The following ITFG1 variants were observed in gnomAD, a reference collection of about 807,000 sequenced individuals.
ITFG1 encodes integrin alpha FG-GAP repeat containing 1.
In ITFG1, 34 loss-of-function variants were observed where a neutral mutation model predicts 81.8. The ratio of observed to expected loss-of-function variants is 0.42; its 90% CI spans 0.32 to 0.55. ITFG1 has a LOEUF of 0.55. Among genes scored for constraint, ITFG1 ranks in the 20% least tolerant of loss-of-function variants. The pLI is 0.17. For synonymous variants in ITFG1, 285 were observed against 270.6 expected (o/e 1.05, Z -0.52); for missense variants, 672 against 755.4 (o/e 0.89, Z 1.29).
chr16:47,391,577 G>T (rs886560840), intron 6 of ITFG1, among the ~76,000 whole-genome samples: 2 of 152,114 alleles, frequency 1.3e-5, no homozygotes, highest in African/African-American at 4.8e-5. Context: ...ATATTTTGCA[G>T]CATATATAGT....
intron 13 of ITFG1, among the ~76,000 whole-genome samples, chr16:47,222,080 A>G (rs1212568445): frequency 1.3e-5 from 2 of 151,156 alleles, no homozygotes; most frequent in Non-Finnish European, 2.9e-5. Flanking sequence ...TTGTGTCTCT[A>G]TTTCCTTCAG....
intron 6 of ITFG1, among the ~76,000 whole-genome samples, chr16:47,389,359 T>C (rs949266312): frequency 1.3e-5 from 2 of 152,186 alleles, no homozygotes; most frequent in African/African-American, 4.8e-5. Context: ...ATGTATATAA[T>C]TGTATCACTA....
At chr16:47,366,456 C>T (rs1968178636) in intron 7 of ITFG1, among the ~76,000 whole-genome samples, 1 of 152,200 alleles carries the variant, frequency 6.6e-6, no homozygotes. Flanking sequence ...CATGTGCTGA[C>T]TGAGAAGCAG....
chr16:47,316,104 A>G (rs1052522462), intron 8 of ITFG1, among the ~76,000 whole-genome samples: 28 of 152,200 alleles, frequency 1.8e-4, no homozygotes, highest in African/African-American at 6.8e-4. Flanking sequence ...TTTTTAAAAA[A>G]TATTTAGGTG....
intron 10 of ITFG1, among the ~76,000 whole-genome samples, chr16:47,265,017 C>T (rs1348089485): frequency 6.6e-6 from 1 of 152,062 alleles, no homozygotes. Flanking sequence ...TACCTTCAAA[C>T]AGCTGTTCTA....
At chr16:47,222,995 T>C (rs1370928509) in intron 13 of ITFG1, among the ~76,000 whole-genome samples, 1 of 151,960 alleles carries the variant, frequency 6.6e-6, no homozygotes. Context: ...AAGGATTCCC[T>C]ATTTAATAAA....
intron 14 of ITFG1, among the ~76,000 whole-genome samples, chr16:47,197,605 C>G (rs1277346886): frequency 6.6e-6 from 1 of 152,262 alleles, no homozygotes; most frequent in Non-Finnish European, 1.5e-5. Context: ...GGGCCATGGT[C>G]ACTCAAATTG....
intron 9 of ITFG1, chr16:47,312,667 T>A (rs1967285636): frequency 1.3e-5 from 2 of 152,344 alleles, no homozygotes; most frequent in South Asian, 4.1e-4. Flanking sequence ...AATGCCACGT[T>A]ATCACAAATT....
chr16:47,162,968 C>T (rs567570688), intron 14 of ITFG1, among the ~76,000 whole-genome samples: 7 of 152,130 alleles, frequency 4.6e-5, no homozygotes, highest in East Asian at 3.9e-4. Flanking sequence ...CCACCAGGCT[C>T]GGCTAATTTT....
chr16:47,160,580 G>T (rs1427764461), intron 16 of ITFG1, among the ~76,000 whole-genome samples: 1 of 151,840 alleles, frequency 6.6e-6, no homozygotes, highest in Non-Finnish European at 1.5e-5. Flanking sequence ...TACAATACAG[G>T]CTCATTAAAA....
Position 47,282,162 on chromosome 16 carries a change from C to T in ITFG1, c.1071-21467G>A, listed in dbSNP as rs372483296. 1.8e-4 allele frequency among the ~76,000 whole-genome samples: 28 copies of T among 151,734 alleles called. No individual in the cohort carries two copies. In the East Asian group the frequency reaches 4.7e-3, roughly 26 times the overall value. Reference sequence around the variant, plus strand: ...TATATATTGTACCCATGAGGCTGAGCGGGTATGAGGGATGAGAAATTACTA... The same window carrying T: ...TATATATTGTACCCATGAGGCTGAGTGGGTATGAGGGATGAGAAATTACTA... On this transcript the variant is annotated intron_variant, in intron 10 of 17. Transcript: ENST00000320640.
intron 14 of ITFG1, among the ~76,000 whole-genome samples, chr16:47,174,328 AC>A (rs1445801063): frequency 6.6e-6 from 1 of 152,196 alleles, no homozygotes; most frequent in Non-Finnish European, 1.5e-5. Flanking sequence ...TCTAGCTCTG[AC>A]ATCTATTTGT....
At chr16:47,384,262 T>C (rs1364898559) in intron 6 of ITFG1, among the ~76,000 whole-genome samples, 2 of 152,232 alleles carry the variant, frequency 1.3e-5, no homozygotes, top group Non-Finnish European at 2.9e-5. Context: ...CAGCTAAGGT[T>C]AGCAGTTTAT....
At chr16:47,350,099 A>T (rs1455906228) in intron 8 of ITFG1, among the ~76,000 whole-genome samples, 1 of 152,268 alleles carries the variant, frequency 6.6e-6, no homozygotes, top group African/African-American at 2.4e-5. Context: ...CTAAATGCCC[A>T]CAAGAGAAAG....
chr16:47,203,616 A>G (rs1320349762), intron 14 of ITFG1, among the ~76,000 whole-genome samples: 1 of 152,206 alleles, frequency 6.6e-6, no homozygotes. Flanking sequence ...AATAGGGTTC[A>G]TGGTCCTGTG....
chr16:47,452,821 A>C, intron 3 of ITFG1, 31 bp from the exon 4 acceptor site: 1 of 1,177,894 alleles, frequency 8.5e-7, no homozygotes, highest in South Asian at 1.5e-5. Context: ...TATATGAATT[A>C]GCAGGCATTT....
At chr16:47,214,932 A>G (rs867820484) in intron 14 of ITFG1, among the ~76,000 whole-genome samples, 2 of 150,290 alleles carry the variant, frequency 1.3e-5, no homozygotes, top group African/African-American at 4.9e-5. Context: ...ACACACACAC[A>G]CACACACACA....
chr16:47,422,540 T>G (rs1968964338), intron 6 of ITFG1, among the ~76,000 whole-genome samples: 2 of 152,220 alleles, frequency 1.3e-5, no homozygotes, highest in South Asian at 4.1e-4. Flanking sequence ...CTTTTTCTAT[T>G]GATTGAAATA....
At chr16:47,334,021 A>G (rs949397200) in intron 8 of ITFG1, among the ~76,000 whole-genome samples, 6 of 152,214 alleles carry the variant, frequency 3.9e-5, no homozygotes, top group African/African-American at 1.2e-4. Context: ...CACCAGTAAG[A>G]AAGTTGTGAA....
Sources: allele counts gnomAD v4.1 joint callset (sites outside exome capture counted in the v4.1 genomes callset), GRCh38; gene constraint gnomAD v4.1.1; transcripts MANE v1.5; gene names NCBI Gene and HGNC (gene_info 2026-07-23, HGNC 2026-07-21).